IQCK: variants seen among roughly 807,000 people sequenced by gnomAD.
The protein encoded by IQCK is IQ domain-containing protein K.
Under a neutral mutation model 28.1 loss-of-function variants are expected in IQCK, and 29 were observed. That is an observed-to-expected ratio of 1.03 (90% CI 0.77 to 1.41). IQCK has a LOEUF of 1.41. Among genes scored for constraint, IQCK ranks in the 40% most tolerant of loss-of-function variants. IQCK has a pLI of 0.00. For missense variants in IQCK, 359 were observed against 314.7 expected, an observed-to-expected ratio of 1.14 and a Z score of -1.07; for synonymous variants, 113 against 115.1, an observed-to-expected ratio of 0.98 and a Z score of 0.12.
intron 7 of IQCK, among the ~76,000 whole-genome samples, chr16:19,807,147 A>G (rs1332035252): frequency 6.6e-6 from 1 of 152,114 alleles, no homozygotes; most frequent in African/African-American, 2.4e-5. Context: ...CTATGGGGGC[A>G]CCTACATGGC....
chr16:19,768,255 T>G (rs2055270741), intron 6 of IQCK, among the ~76,000 whole-genome samples: 1 of 152,124 alleles, frequency 6.6e-6, no homozygotes, highest in Non-Finnish European at 1.5e-5. Context: ...GTGAGATGGG[T>G]CTTGGACAAA....
chr16:19,777,343 A>G (rs1414876391), intron 6 of IQCK, among the ~76,000 whole-genome samples: 3 of 152,318 alleles, frequency 2.0e-5, no homozygotes, highest in Non-Finnish European at 2.9e-5. Flanking sequence ...TGAGGCTGAT[A>G]GTGGAACTGA....
intron 6 of IQCK, among the ~76,000 whole-genome samples, chr16:19,782,997 T>TG (rs1555518772): frequency 2.1e-4 from 32 of 150,820 alleles, no homozygotes; most frequent in Admixed American, 1.1e-3. Context: ...TCTTCTTTTT[T>TG]TGTGTGTGTG....
At chr16:19,727,110 G>A (rs7200785) in intron 1 of IQCK, among the ~76,000 whole-genome samples, 7,648 of 149,166 alleles carry the variant, frequency 0.051, 638 homozygotes, top group African/African-American at 0.18. Flanking sequence ...CAGCCTGGGC[G>A]ACGGAGCAAG....
At chr16:19,810,493 T>C (rs1294261985) in intron 7 of IQCK, among the ~76,000 whole-genome samples, 2 of 101,838 alleles carry the variant, frequency 2.0e-5, no homozygotes, top group East Asian at 2.9e-4. Context: ...TGAGACTCCG[T>C]CTCAAAAAAA....
intron 6 of IQCK, among the ~76,000 whole-genome samples, chr16:19,772,875 C>T (rs76040100): frequency 0.069 from 10,460 of 152,002 alleles, 1,167 homozygotes; most frequent in African/African-American, 0.23. Flanking sequence ...TGGTGGTGCT[C>T]ACCTGTGGTC....
At chr16:19,849,774 G>A (rs976892317) in intron 9 of IQCK, among the ~76,000 whole-genome samples, 15 of 150,346 alleles carry the variant, frequency 1.0e-4, no homozygotes, top group African/African-American at 3.7e-4. Context: ...AAAAAAAAAA[G>A]AAAAAGAAAA....
At chr16:19,802,490 G>A (rs1567562629) in intron 7 of IQCK, among the ~76,000 whole-genome samples, 1 of 100,856 alleles carries the variant, frequency 9.9e-6, no homozygotes, top group South Asian at 4.1e-4. Context: ...CGAATCAGAT[G>A]CTTCAGTCCA....
intron 9 of IQCK, among the ~76,000 whole-genome samples, chr16:19,835,884 C>T (rs888518956): frequency 3.9e-5 from 6 of 152,102 alleles, no homozygotes; most frequent in Non-Finnish European, 7.4e-5. Flanking sequence ...CATGCCCAGC[C>T]TTGTAGAAGT....
intron 9 of IQCK, among the ~76,000 whole-genome samples, chr16:19,845,253 G>T (rs1362458511): frequency 1.3e-5 from 2 of 152,204 alleles, no homozygotes; most frequent in Non-Finnish European, 2.9e-5. Context: ...TGTTACCCTT[G>T]TAGAGGAGCT....
At chr16:19,771,898 A>G (rs1331347234) in intron 6 of IQCK, among the ~76,000 whole-genome samples, 2 of 152,094 alleles carry the variant, frequency 1.3e-5, no homozygotes, top group Non-Finnish European at 2.9e-5. Context: ...GGGGGTTGCA[A>G]CAGCTGCTGT....
intron 1 of IQCK, among the ~76,000 whole-genome samples, chr16:19,724,133 TC>T (rs1977581982): frequency 6.6e-6 from 1 of 152,124 alleles, no homozygotes; most frequent in African/African-American, 2.4e-5. Flanking sequence ...ACTATTCCTC[TC>T]CATGCCTTTC....
At chr16:19,804,435 T>G (rs2055806872) in intron 7 of IQCK, among the ~76,000 whole-genome samples, 2 of 151,960 alleles carry the variant, frequency 1.3e-5, no homozygotes, top group South Asian at 4.2e-4. Flanking sequence ...GTGGTGGTTT[T>G]TTTTGTTGTT....
At chr16:19,821,544 A>G (rs1194127957) in intron 7 of IQCK, among the ~76,000 whole-genome samples, 5 of 152,216 alleles carry the variant, frequency 3.3e-5, no homozygotes, top group Non-Finnish European at 7.3e-5. Flanking sequence ...TACTAAAAAT[A>G]CAAAACATTA....
At chr16:19,780,029 AT>A in intron 6 of IQCK, among the ~76,000 whole-genome samples, 1 of 108,358 alleles carries the variant, frequency 9.2e-6, no homozygotes, top group Non-Finnish European at 1.9e-5. Context: ...TTATTTATTT[AT>A]TTATTTATTT....
chr16:19,811,352 A>G (rs537998063), intron 7 of IQCK, among the ~76,000 whole-genome samples: 1 of 152,352 alleles, frequency 6.6e-6, no homozygotes, highest in South Asian at 2.1e-4. Context: ...AAATCATTGG[A>G]AAGTTTATCA....
At chr16:19,730,291 G>A (rs147076861) in intron 1 of IQCK, 139 bp from the exon 2 acceptor site, 34 of 577,460 alleles carry the variant, frequency 5.9e-5, no homozygotes, top group African/African-American at 5.7e-4. Flanking sequence ...ATGTTAACCT[G>A]TCATGGCCAG....
At chr16:19,839,890 G>C (rs1405852282) in intron 9 of IQCK, among the ~76,000 whole-genome samples, 5 of 152,076 alleles carry the variant, frequency 3.3e-5, no homozygotes, top group Non-Finnish European at 7.4e-5. Flanking sequence ...AGCTGCTCAG[G>C]AGGCTGAAGC....
At chr16:19,724,128 T>G (rs984270698) in intron 1 of IQCK, among the ~76,000 whole-genome samples, 7 of 152,106 alleles carry the variant, frequency 4.6e-5, no homozygotes, top group African/African-American at 1.7e-4. Context: ...ACCATACTAT[T>G]CCTCTCCATG....
Sources: gnomAD v4.1 joint callset for allele counts (sites outside exome capture counted in the v4.1 genomes callset) on GRCh38, gnomAD v4.1.1 for gene constraint, MANE v1.5 for transcripts, NCBI Gene and HGNC (gene_info 2026-07-23, HGNC 2026-07-21) for gene names.